TRPC7: variants seen among roughly 807,000 people sequenced by gnomAD.
TRPC7 encodes the protein transient receptor potential cation channel subfamily C member 7.
In TRPC7, 42 loss-of-function variants were observed where a neutral mutation model predicts 90.1. The ratio of observed to expected loss-of-function variants is 0.47; its 90% CI spans 0.36 to 0.60. TRPC7 has a LOEUF of 0.60. Ranked by LOEUF, TRPC7 falls within the 20% of genes least tolerant of loss-of-function variation. The probability of loss-of-function intolerance (pLI) is 0.00; values close to 1 mark genes in which losing one functional copy is unlikely to be tolerated. For synonymous variants in TRPC7, 451 were observed against 436.3 expected, an observed-to-expected ratio of 1.03 and a Z score of -0.42; for missense variants, 955 against 1,112.3, an observed-to-expected ratio of 0.86 and a Z score of 2.01.
chr5:136,320,462 G>T (rs1405407380), intron 2 of TRPC7, among the ~76,000 whole-genome samples: 1 of 152,074 alleles, frequency 6.6e-6, no homozygotes, highest in Non-Finnish European at 1.5e-5. Flanking sequence ...CGCTCCAAAG[G>T]CTCCCTATCC....
At chr5:136,288,579 G>A (rs574963470) in intron 3 of TRPC7, among the ~76,000 whole-genome samples, 5 of 152,144 alleles carry the variant, frequency 3.3e-5, no homozygotes, top group East Asian at 3.9e-4. Context: ...AAGGCAAGTA[G>A]TGTTATCCCC....
chr5:136,278,542 G>A (rs1757444542), intron 3 of TRPC7, among the ~76,000 whole-genome samples: 1 of 152,224 alleles, frequency 6.6e-6, no homozygotes, highest in Non-Finnish European at 1.5e-5. Flanking sequence ...TATTTTCACT[G>A]TAGAAGTGCC....
In TRPC7 at chr5:136,266,430, G is replaced by A. The variant is rs572815473; in HGVS notation, c.1135C>T (p.Arg379Ter). The change falls in exon 5 of 12, where the codon CGA becomes TGA. Residue 379 changes from arginine (R) to a stop codon, truncating the protein, a stop_gained. Transcript: ENST00000513104. LOFTEE classifies it high-confidence loss of function. ...YWIAPCSKLG[R>*]TLRSPFMKFV... ...TTCATGAAAGGGCTCCTCAGGGTTCGTCCTAGCTGGAAAGAAAATGTGTTC... is the reference window on the plus strand; with the variant it reads ...TTCATGAAAGGGCTCCTCAGGGTTCATCCTAGCTGGAAAGAAAATGTGTTC... 8.7e-6 allele frequency: 14 copies of A among 1,612,798 alleles called. No homozygotes were observed. The highest frequency in any genetic ancestry group is 4.5e-5 in the East Asian group (2 of 44,830).
At chr5:136,268,546 G>A (rs531664900) in intron 4 of TRPC7, among the ~76,000 whole-genome samples, 37 of 152,280 alleles carry the variant, frequency 2.4e-4, no homozygotes, top group African/African-American at 8.7e-4. Flanking sequence ...CCCAGGTGAG[G>A]CACCTGATTC....
chr5:136,325,444 C>T (rs1759317187), intron 2 of TRPC7, among the ~76,000 whole-genome samples: 2 of 152,174 alleles, frequency 1.3e-5, no homozygotes, highest in South Asian at 4.2e-4. Flanking sequence ...TTCCTCCCTT[C>T]CTTTCTTCCT....
chr5:136,345,719 C>A (rs1759985658), intron 2 of TRPC7, among the ~76,000 whole-genome samples: 1 of 152,146 alleles, frequency 6.6e-6, no homozygotes, highest in Non-Finnish European at 1.5e-5. Flanking sequence ...TCCCATTTGT[C>A]AATTTTGGCT....
rs571229363 is a variant in TRPC7 at position 136,268,700 on chromosome 5, C to G, written c.1129-2264G>C. Among the ~76,000 whole-genome samples, 15 of 152,270 alleles carry G rather than the reference C, an allele frequency of 9.9e-5. No homozygotes were observed. In the South Asian group the frequency reaches 2.9e-3, roughly 29 times the overall value. On this transcript the variant is annotated intron_variant, in intron 4 of 11. Coordinates refer to ENST00000513104, the MANE Select transcript of TRPC7 (RefSeq NM_020389.3). ...GAATCTGCAAAACTTATTATATTTA[C>G]TATAAACCATAATAAAAAGTCCTGT...
chr5:136,274,729 C>T lies in TRPC7; in HGVS notation c.1072G>A (p.Val358Ile). Residue 358 changes from valine to isoleucine, a missense_variant, in exon 4 of 12, where the codon GTC (valine) becomes ATC (isoleucine). Physicochemically the swap from Val to Ile is conservative, Grantham distance 29. Transcript: ENST00000513104. ...IAVKFLAVFG[V>I]SIGLPFLAIA... ...GCGAGAAAAGGGAGGCCTATGGAGA[C>T]TCCAAAGACAGCCAGGAATTTCACA... 1 of 1,613,110 alleles carries T rather than the reference C, an allele frequency of 6.2e-7. No homozygotes were observed. The highest frequency in any genetic ancestry group is 1.1e-5 in the South Asian group (1 of 90,726).
chr5:136,324,909 G>A (rs748748284), intron 2 of TRPC7, among the ~76,000 whole-genome samples: 11 of 152,116 alleles, frequency 7.2e-5, no homozygotes, highest in Non-Finnish European at 1.5e-4. Flanking sequence ...AAAAGAGTGT[G>A]GACTTCAAAT....
intron 8 of TRPC7, among the ~76,000 whole-genome samples, chr5:136,229,202 T>C (rs779280820): frequency 9.2e-5 from 14 of 152,234 alleles, no homozygotes; most frequent in Non-Finnish European, 7.3e-5. Context: ...ATGTGTTGTT[T>C]GTCCATCCAC....
chr5:136,356,579 G>T lies in TRPC7; in HGVS notation c.780+29C>A, dbSNP rs1328008223. 3 of 1,507,504 alleles carry T rather than the reference G, an allele frequency of 2.0e-6. No individual in the cohort carries two copies. The Middle Eastern group carries it at 5.4e-4, about 271-fold the overall frequency. 93.4% of individuals were successfully genotyped at this position (1,507,504 alleles called of 1,614,324 possible). ...CGTGGAAGAGCCCCCTGGGCAACCT[G>T]CCTGCAGGGTGCTAAGTGGAAGAGT... On this transcript the variant is annotated intron_variant, in intron 2 of 11. Coordinates refer to ENST00000513104, the MANE Select transcript of TRPC7 (RefSeq NM_020389.3).
At chr5:136,298,949 C>T (rs1758275871) in intron 3 of TRPC7, among the ~76,000 whole-genome samples, 2 of 152,032 alleles carry the variant, frequency 1.3e-5, no homozygotes, top group Non-Finnish European at 2.9e-5. Flanking sequence ...CTATGCCTGG[C>T]TTGTTCATGT....
intron 1 of TRPC7, 40 bp downstream of exon 1, chr5:136,365,213 A>AG (rs1760684182): frequency 2.1e-6 from 3 of 1,442,030 alleles, no homozygotes; most frequent in Non-Finnish European, 2.7e-6. Flanking sequence ...CCTCTACTGG[A>AG]AAAAAAAATC....
In TRPC7 at chr5:136,299,340, C is replaced by T. The variant is rs868216737; in HGVS notation, c.963+16257G>A. 6.9e-3 allele frequency among the ~76,000 whole-genome samples: 850 copies of T among 122,652 alleles called. 13 individuals carry two copies. The highest frequency in any genetic ancestry group is 0.023 in the African/African-American group (744 of 32,596). 80.5% of individuals were successfully genotyped at this position (122,652 alleles called of 152,430 possible). On this transcript the variant is annotated intron_variant, in intron 3 of 11. Coordinates refer to ENST00000513104, the MANE Select transcript of TRPC7 (RefSeq NM_020389.3). The stretch of plus-strand genomic sequence containing the variant: ...GAAATTTCTCTGACTGGGGTGTGTG[C>T]GTGTGTGTGTGTGTGTGTGTGTGTG...
At chr5:136,358,699 G>C (rs1017235354) in intron 1 of TRPC7, among the ~76,000 whole-genome samples, 1 of 152,200 alleles carries the variant, frequency 6.6e-6, no homozygotes, top group African/African-American at 2.4e-5. Context: ...GCAGGTCCCA[G>C]CTTCTAGATC....
chr5:136,283,531 T>A (rs1415949504), intron 3 of TRPC7, among the ~76,000 whole-genome samples: 1 of 152,182 alleles, frequency 6.6e-6, no homozygotes, highest in Non-Finnish European at 1.5e-5. Context: ...TTACTTGTCA[T>A]AGTTAATTTT....
At chr5:136,312,266 A>G (rs926157631) in intron 3 of TRPC7, among the ~76,000 whole-genome samples, 1 of 152,172 alleles carries the variant, frequency 6.6e-6, no homozygotes, top group Non-Finnish European at 1.5e-5. Flanking sequence ...GTATTTTGGA[A>G]GGAATTTTAG....
rs536728761 is a variant in TRPC7, at chr5:136,245,686, C to T, written c.1844+1785G>A. Among the ~76,000 whole-genome samples, 6 of 152,254 alleles carry T rather than the reference C, an allele frequency of 3.9e-5. No individual in the cohort carries two copies. The East Asian group carries it at 9.7e-4, about 25-fold the overall frequency. On this transcript the variant is annotated intron_variant, in intron 7 of 11. Transcript: ENST00000513104. The stretch of plus-strand genomic sequence containing the variant: ...GCTGAAAACCTGACTATCCTCCTTT[C>T]AAGACTTTGGCCAAGAGCTTGGTGA...
At chr5:136,220,163 G>A (rs539783311) in intron 10 of TRPC7, among the ~76,000 whole-genome samples, 2 of 152,248 alleles carry the variant, frequency 1.3e-5, no homozygotes, top group East Asian at 1.9e-4. Context: ...ATTGTAAAAC[G>A]TGTGTTTGAA....
Sources: allele counts gnomAD v4.1 joint callset (sites outside exome capture counted in the v4.1 genomes callset), GRCh38; gene constraint gnomAD v4.1.1; transcripts MANE v1.5; gene names NCBI Gene and HGNC (gene_info 2026-07-23, HGNC 2026-07-21).